The following DNA2 variants were observed in gnomAD, a reference collection of about 807,000 sequenced individuals.
The protein encoded by DNA2 is DNA replication ATP-dependent helicase/nuclease DNA2.
In DNA2, 101 loss-of-function variants were observed where a neutral mutation model predicts 119.1. That is an observed-to-expected ratio of 0.85 (90% CI 0.72 to 1.00). The LOEUF (loss-of-function observed/expected upper bound fraction) is 1.00, where lower values mean the gene tolerates loss of function less well. Among genes scored for constraint, DNA2 ranks in the 50% least tolerant of loss-of-function variants. The probability of loss-of-function intolerance (pLI) is 0.00; values close to 1 mark genes in which losing one functional copy is unlikely to be tolerated. For synonymous variants in DNA2, 366 were observed against 424.4 expected (o/e 0.86, Z 1.69); for missense variants, 1,121 against 1,255.5 (o/e 0.89, Z 1.62).
chr10:68,453,743 C>G (rs896471850), intron 5 of DNA2, among the ~76,000 whole-genome samples: 2 of 152,128 alleles, frequency 1.3e-5, no homozygotes, highest in Non-Finnish European at 2.9e-5. Context: ...AAGTGTGTAG[C>G]CTAGAGGCAA....
Position 68,437,130 on chromosome 10 carries a change from G to A in DNA2, c.1527C>T (p.Val509=), listed in dbSNP as rs1361079918. Residue 509 remains valine (V), a synonymous_variant, in exon 10 of 21, where the codon GTC becomes GTT. Transcript: ENST00000358410. ...NFQCKHGAIP[V]TNLMAGDRVI... ...CTCTGTCACCTGCCATTAGATTTGT[G>A]ACAGGTATGGCACCATGTTTACATT... 3 of 1,613,686 alleles carry A rather than the reference G, an allele frequency of 1.9e-6. No homozygotes were observed. In the Admixed American group the frequency reaches 5.0e-5, roughly 27 times the overall value.
chr10:68,430,060 T>C (rs1195178224), intron 14 of DNA2, among the ~76,000 whole-genome samples: 3 of 151,754 alleles, frequency 2.0e-5, no homozygotes, highest in African/African-American at 7.3e-5. Flanking sequence ...ATTTTTTTTG[T>C]ATTTTTAGTA....
At chr10:68,448,348 T>C (rs1057438538) in intron 6 of DNA2, among the ~76,000 whole-genome samples, 1 of 152,218 alleles carries the variant, frequency 6.6e-6, no homozygotes, top group Non-Finnish European at 1.5e-5. Flanking sequence ...ATAGTCCTTT[T>C]AGCTCATGTA....
intron 20 of DNA2, among the ~76,000 whole-genome samples, chr10:68,416,092 T>C (rs2051585767): frequency 6.6e-6 from 1 of 152,100 alleles, no homozygotes; most frequent in African/African-American, 2.4e-5. Context: ...GTGGGACGAC[T>C]ATTTGAGTCC....
At chr10:68,433,560 T>C (rs80235581) in intron 10 of DNA2, among the ~76,000 whole-genome samples, 14,192 of 152,122 alleles carry the variant, frequency 0.093, 975 homozygotes, top group South Asian at 0.24. Flanking sequence ...GAGAGGGCCT[T>C]GTTCTGTTGC....
At position 68,430,570 on chromosome 10, in the gene DNA2, A is replaced by G; in HGVS notation, c.2074T>C (p.Phe692Leu). The change falls in exon 14 of 21, where the codon TTT (phenylalanine) becomes CTT (leucine). Residue 692 changes from phenylalanine (F) to leucine (L), a missense_variant. Phe to Leu is a conservative substitution (Grantham distance 22). Transcript: ENST00000358410. The part of the protein sequence containing the change: ...VDNILLKLAK[F>L]KIGFLRLGQI... ...CCCAAACGCAAAAATCCTATTTTAA[A>G]CTTGGCTAACTTCAAAAGAATATTG... The G allele has an allele frequency of 6.2e-7, 1 of 1,608,472 alleles. No individual in the cohort carries two copies. Among genetic ancestry groups the G allele is most frequent in the East Asian group, 2.2e-5 (1 of 44,810 alleles).
intron 5 of DNA2, among the ~76,000 whole-genome samples, chr10:68,450,594 T>C (rs533061527): frequency 6.6e-6 from 1 of 152,220 alleles, no homozygotes; most frequent in Non-Finnish European, 1.5e-5. Flanking sequence ...TCTTTCTTGG[T>C]ATTTATCATC....
At position 68,430,602 on chromosome 10, in the gene DNA2, G is replaced by A; in HGVS notation, c.2042C>T (p.Ala681Val). Residue 681 changes from alanine (A) to valine (V), a missense_variant, in exon 14 of 21, where the codon GCT (alanine) becomes GTT (valine). Ala to Val is a moderately conservative substitution (Grantham distance 64). Transcript: ENST00000358410. The part of the protein sequence containing the change: ...SVLLTSYTHS[A>V]VDNILLKLAK... ...TAACTTCAAAAGAATATTGTCAACAGCAGAGTGTGTATAGCTGGTCAACAA... is the reference window on the plus strand; with the variant it reads ...TAACTTCAAAAGAATATTGTCAACAACAGAGTGTGTATAGCTGGTCAACAA... 6.2e-7 allele frequency: 1 copy of A among 1,607,478 alleles called. No homozygotes were observed.
chr10:68,438,017 C>T (rs987458720), intron 9 of DNA2, among the ~76,000 whole-genome samples: 4 of 152,104 alleles, frequency 2.6e-5, no homozygotes, highest in Non-Finnish European at 5.9e-5. Flanking sequence ...CGGCCCTCTA[C>T]TAGTTTTAAA....
chr10:68,438,377 G>A (rs2051919873), intron 9 of DNA2, among the ~76,000 whole-genome samples: 1 of 151,876 alleles, frequency 6.6e-6, no homozygotes, highest in South Asian at 2.1e-4. Flanking sequence ...AAATTAGCCG[G>A]GCATGGTGGC....
At chr10:68,448,442 A>T (rs2052070586) in intron 6 of DNA2, among the ~76,000 whole-genome samples, 1 of 152,226 alleles carries the variant, frequency 6.6e-6, no homozygotes, top group Non-Finnish European at 1.5e-5. Flanking sequence ...TTAAAAAGTC[A>T]AATCTTTTAA....
At chr10:68,438,565 C>CTAAA (rs1428384328) in intron 9 of DNA2, among the ~76,000 whole-genome samples, 1 of 151,568 alleles carries the variant, frequency 6.6e-6, no homozygotes, top group East Asian at 1.9e-4. Flanking sequence ...GGCAGCACTA[C>CTAAA]TAAATAACAT....
chr10:68,434,707 T>C (rs2051865489), intron 10 of DNA2, among the ~76,000 whole-genome samples: 1 of 152,138 alleles, frequency 6.6e-6, no homozygotes, highest in African/African-American at 2.4e-5. Context: ...CTCAAGGATT[T>C]GCAAAGTGCT....
chr10:68,432,121 A>G (rs2051830184), intron 12 of DNA2, 85 bp downstream of exon 12: 1 of 1,140,050 alleles, frequency 8.8e-7, no homozygotes, highest in Non-Finnish European at 1.3e-6. Flanking sequence ...TGTAGTTGCA[A>G]GTCTAATCAA....
At position 68,422,779 on chromosome 10, in the gene DNA2, CCAGA is replaced by C; in HGVS notation, c.2316_2319del (p.Cys772TrpfsTer12). 6.2e-7 allele frequency: 1 copy of C among 1,610,490 alleles called. No homozygotes were observed. The highest frequency in any genetic ancestry group is 8.5e-7 in the Non-Finnish European group (1 of 1,179,166). On this transcript the variant is annotated frameshift_variant, in exon 15 of 21. Coordinates refer to ENST00000358410, the MANE Select transcript of DNA2 (RefSeq NM_001080449.3). LOFTEE classifies it high-confidence loss of function. ...AATCTCCGTGAAAAAAAAAGGGGGC[CCAGA>C]CAAATTGGTTGGCTAATTTGAGAGG... is the stretch of plus-strand genomic sequence containing the variant.
intron 4 of DNA2, among the ~76,000 whole-genome samples, chr10:68,459,630 G>A (rs756121256): frequency 6.6e-6 from 1 of 152,102 alleles, no homozygotes; most frequent in Non-Finnish European, 1.5e-5. Flanking sequence ...TGTTTCAAGG[G>A]CACAAAGCTT....
chr10:68,436,582 T>C (rs966560499), intron 10 of DNA2, among the ~76,000 whole-genome samples: 1 of 152,250 alleles, frequency 6.6e-6, no homozygotes, highest in Non-Finnish European at 1.5e-5. Context: ...TTTTGTTATA[T>C]GAATTTTACC....
rs35334686 is a variant in DNA2 at position 68,441,335 on chromosome 10, T to TA, written c.1415+1581dup. 8.6e-3 allele frequency among the ~76,000 whole-genome samples: 1,036 copies of TA among 121,068 alleles called. 8 individuals are homozygous for TA. The highest frequency in any genetic ancestry group is 0.035 in the South Asian group (132 of 3,798). 79.4% of individuals were successfully genotyped at this position (121,068 alleles called of 152,430 possible). On this transcript the variant is annotated intron_variant, in intron 9 of 20. Transcript: ENST00000358410. ...GGCAGCAGAGTGTGACCCTGTCTCTTAAAAAAAAAAAAAAAAAAAAGAAAA... is the reference window on the plus strand; with the variant it reads ...GGCAGCAGAGTGTGACCCTGTCTCTTAAAAAAAAAAAAAAAAAAAAAGAAAA...
intron 19 of DNA2, among the ~76,000 whole-genome samples, chr10:68,418,669 A>ATT (rs34507769): frequency 0.034 from 3,861 of 113,740 alleles, 91 homozygotes; most frequent in Non-Finnish European, 0.042. Context: ...TTAAACCGCA[A>ATT]TTTTTTTTTT....
Sources: gnomAD v4.1 joint callset for allele counts (sites outside exome capture counted in the v4.1 genomes callset) on GRCh38, gnomAD v4.1.1 for gene constraint, MANE v1.5 for transcripts, NCBI Gene and HGNC (gene_info 2026-07-23, HGNC 2026-07-21) for gene names.